The following FKBP6 variants were observed in gnomAD, a reference collection of about 807,000 sequenced individuals.
FKBP6 encodes the protein FKBP prolyl isomerase family member 6 (inactive).
FKBP6 carries 29 observed loss-of-function variants against 41.7 expected under a neutral mutation model. That is an observed-to-expected ratio of 0.70 (90% CI 0.52 to 0.95). The LOEUF is 0.95. FKBP6 is among the 40% of genes least tolerant of loss of function. The pLI is 0.00. For missense variants in FKBP6, 338 were observed against 408.7 expected, an observed-to-expected ratio of 0.83 and a Z score of 1.49; for synonymous variants, 130 against 165.1, an observed-to-expected ratio of 0.79 and a Z score of 1.63.
At chr7:73,340,465 C>A (rs555499220) in intron 5 of FKBP6, among the ~76,000 whole-genome samples, 173 bp from the exon 6 acceptor site, 2 of 152,314 alleles carry the variant, frequency 1.3e-5, no homozygotes, top group East Asian at 3.9e-4. Flanking sequence ...CAGAACAAGA[C>A]TCCGTCTGAA....
Position 73,358,024 on chromosome 7 carries a change from AGGGCCACAC to A in FKBP6, c.*3-154_*3-146del, listed in dbSNP as rs1214936604. 4.0e-5 allele frequency among the ~76,000 whole-genome samples: 6 copies of A among 150,380 alleles called. No individual in the cohort carries two copies. In the Admixed American group the frequency reaches 4.0e-4, roughly 10 times the overall value. The stretch of plus-strand genomic sequence containing the variant: ...AAAAGTTTCCCAGAGCCCATCTAGT[AGGGCCACAC>A]GGTGATGGCATCTGTCTCTTGGCTC... On this transcript the variant is annotated intron_variant, in intron 8 of 8. Coordinates refer to ENST00000252037, the MANE Select transcript of FKBP6 (RefSeq NM_003602.5).
At chr7:73,341,480 GC>G in intron 7 of FKBP6, 98 bp downstream of exon 7, 1 of 853,322 alleles carries the variant, frequency 1.2e-6, no homozygotes, top group Non-Finnish European at 2.0e-6. Context: ...TGGCGGTGTT[GC>G]CCAGAGTGTT....
chr7:73,345,222 GAAAAAAAAAAA>G (rs1156457847), intron 8 of FKBP6, among the ~76,000 whole-genome samples: 1 of 66,652 alleles, frequency 1.5e-5, no homozygotes, highest in East Asian at 3.2e-4. Context: ...GCATCAGCCA[GAAAAAAAAAAA>G]AAAAAAAAAA....
intron 8 of FKBP6, among the ~76,000 whole-genome samples, chr7:73,348,414 C>T (rs1020524902): frequency 1.3e-5 from 2 of 152,232 alleles, no homozygotes; most frequent in African/African-American, 4.8e-5. Flanking sequence ...TCCTTCTAGG[C>T]TTCCGTCCAC....
At chr7:73,351,772 A>C (rs1805497270) in intron 8 of FKBP6, among the ~76,000 whole-genome samples, 4 of 152,176 alleles carry the variant, frequency 2.6e-5, no homozygotes, top group Admixed American at 2.6e-4. Flanking sequence ...GGTACGAATG[A>C]CAGCTACTAA....
chr7:73,329,672 C>T (rs1302374646), intron 3 of FKBP6: 4 of 601,034 alleles, frequency 6.7e-6, no homozygotes, highest in Non-Finnish European at 8.9e-6. Flanking sequence ...TAACTAACCA[C>T]TGGGAATGTT....
At chr7:73,336,308 A>C (rs1805002725) in intron 5 of FKBP6, among the ~76,000 whole-genome samples, 1 of 152,196 alleles carries the variant, frequency 6.6e-6, no homozygotes, top group African/African-American at 2.4e-5. Context: ...AAGTGATCAG[A>C]ACCTATTCAG....
chr7:73,353,947 C>G (rs552945333), intron 8 of FKBP6, among the ~76,000 whole-genome samples: 1 of 152,286 alleles, frequency 6.6e-6, no homozygotes, highest in African/African-American at 2.4e-5. Context: ...GTAGGCCAGG[C>G]TGGTCTCAGA....
At chr7:73,343,544 G>A (rs1402325443) in intron 8 of FKBP6, among the ~76,000 whole-genome samples, 1 of 152,032 alleles carries the variant, frequency 6.6e-6, no homozygotes. Flanking sequence ...CGCAGGGTGG[G>A]GATGGGCTGT....
intron 8 of FKBP6, among the ~76,000 whole-genome samples, chr7:73,355,637 C>G (rs557025027): frequency 2.7e-5 from 4 of 148,266 alleles, no homozygotes; most frequent in Admixed American, 2.7e-4. Context: ...TCAAACGTCT[C>G]CAAAGGTAAA....
At chr7:73,354,865 A>G (rs988899939) in intron 8 of FKBP6, among the ~76,000 whole-genome samples, 2 of 152,134 alleles carry the variant, frequency 1.3e-5, no homozygotes, top group Non-Finnish European at 1.5e-5. Context: ...GAAGTGCTTG[A>G]GGCTGGGGCT....
intron 8 of FKBP6, among the ~76,000 whole-genome samples, chr7:73,350,084 A>G (rs1189616805): frequency 2.0e-5 from 3 of 152,204 alleles, no homozygotes; most frequent in Non-Finnish European, 4.4e-5. Context: ...ATTTCTGACT[A>G]TGTCACAGTC....
chr7:73,340,623 C>T lies in FKBP6; in HGVS notation c.589-15C>T, dbSNP rs2115892779. ...ACTGTTACTCCTCTTGACCATCTGC[C>T]TTCCCTCTCCACAGGCCCTATTGCT... On this transcript the variant is annotated splice_polypyrimidine_tract_variant and intron_variant, in intron 5 of 8. Transcript: ENST00000252037. 6.2e-7 allele frequency: 1 copy of T among 1,610,646 alleles called. No homozygotes were observed. The highest frequency in any genetic ancestry group is 2.2e-5 in the East Asian group (1 of 44,870).
At chr7:73,330,418 T>C (rs1234934274) in intron 4 of FKBP6, 66 bp downstream of exon 4, 3 of 1,268,542 alleles carry the variant, frequency 2.4e-6, no homozygotes, top group Non-Finnish European at 3.4e-6. Context: ...TATTGGTAAT[T>C]CTTCTAGATG....
At chr7:73,331,887 A>G in intron 5 of FKBP6, 111 bp downstream of exon 5, 1 of 1,165,174 alleles carries the variant, frequency 8.6e-7, no homozygotes. Context: ...TTTTGAGACA[A>G]GAGTGTCGCT....
Position 73,341,664 on chromosome 7 carries a change from C to CTT in FKBP6, c.893+298_893+299dup, listed in dbSNP as rs5884907. 6.6e-4 allele frequency among the ~76,000 whole-genome samples: 89 copies of CTT among 134,258 alleles called. 1 individual carries two copies. The highest frequency in any genetic ancestry group is 3.8e-3 in the Middle Eastern group (1 of 266). 88.1% of individuals were successfully genotyped at this position (134,258 alleles called of 152,430 possible). A position where few individuals can be genotyped will look rare whatever the true frequency, so the allele number is the denominator to read the frequency against. On this transcript the variant is annotated intron_variant, in intron 7 of 8. Transcript: ENST00000252037. ...CCCCTAGAGAGGTGGGAGGGTGTCA[C>CTT]TTTTTTTTTTTTTTTTTGAGATGGA...
chr7:73,332,708 TGAACTA>T (rs1804886616), intron 5 of FKBP6, among the ~76,000 whole-genome samples: 1 of 152,168 alleles, frequency 6.6e-6, no homozygotes, highest in African/African-American at 2.4e-5. Context: ...TATATGTACT[TGAACTA>T]GAAGTGTTTA....
At chr7:73,332,159 C>T (rs1043083125) in intron 5 of FKBP6, among the ~76,000 whole-genome samples, 7 of 151,910 alleles carry the variant, frequency 4.6e-5, no homozygotes, top group African/African-American at 7.3e-5. Context: ...CTACCGCGCC[C>T]GGCAAAAAAC....
In FKBP6 at chr7:73,358,558, T is replaced by G. The variant is rs1369079227; in HGVS notation, c.*380T>G. 3 of 152,628 alleles carry G rather than the reference T, an allele frequency of 2.0e-5. No individual in the cohort carries two copies. The highest frequency in any genetic ancestry group is 7.2e-5 in the African/African-American group (3 of 41,436). 9.5% of individuals were successfully genotyped at this position (152,628 alleles called of 1,614,324 possible). On this transcript the variant is annotated 3_prime_UTR_variant, in exon 9 of 9. Coordinates refer to ENST00000252037, the MANE Select transcript of FKBP6 (RefSeq NM_003602.5). ...TTGTGTATTTTGTAGGGTTCTCTGT[T>G]TTGAAGACAGAATTATGTTACAAAT...
Sources: allele counts gnomAD v4.1 joint callset (sites outside exome capture counted in the v4.1 genomes callset), GRCh38; gene constraint gnomAD v4.1.1; transcripts MANE v1.5; gene names NCBI Gene and HGNC (gene_info 2026-07-23, HGNC 2026-07-21).